The following THAP12 variants were observed in gnomAD, a reference collection of about 807,000 sequenced individuals.
THAP12 encodes the protein THAP domain containing 12.
THAP12 carries 20 observed loss-of-function variants against 63.0 expected under a neutral mutation model. That is an observed-to-expected ratio of 0.32 (90% CI 0.22 to 0.46). The LOEUF (loss-of-function observed/expected upper bound fraction) is 0.46, where lower values mean the gene tolerates loss of function less well. Among genes scored for constraint, THAP12 ranks in the 20% least tolerant of loss-of-function variants. The probability of loss-of-function intolerance (pLI) is 1.00; values close to 1 mark genes in which losing one functional copy is unlikely to be tolerated. For synonymous variants in THAP12, 264 were observed against 328.4 expected (o/e 0.80, Z 2.12); for missense variants, 568 against 908.2 (o/e 0.63, Z 4.81).
chr11:76,367,130 G>A (rs1182239858), intron 1 of THAP12, among the ~76,000 whole-genome samples: 1 of 151,418 alleles, frequency 6.6e-6, no homozygotes, highest in African/African-American at 2.4e-5. Context: ...AGGTTGGAGT[G>A]CAATGCCATG....
chr11:76,366,680 C>CG (rs1311739126), intron 1 of THAP12, among the ~76,000 whole-genome samples: 1 of 146,110 alleles, frequency 6.8e-6, no homozygotes, highest in Non-Finnish European at 1.5e-5. Flanking sequence ...GACTCCGTCT[C>CG]GGAAAAAAAA....
At chr11:76,358,721 T>C (rs1365683129) in intron 3 of THAP12, 1 of 151,952 alleles carries the variant, frequency 6.6e-6, no homozygotes, top group East Asian at 1.9e-4. Flanking sequence ...GGTAAGAGGA[T>C]TGCTTCAGCC....
chr11:76,365,006 TGTGGAG>T (rs1946621337), intron 2 of THAP12, among the ~76,000 whole-genome samples: 1 of 152,058 alleles, frequency 6.6e-6, no homozygotes, highest in Non-Finnish European at 1.5e-5. Flanking sequence ...CTCAGCCGGG[TGTGGAG>T]GCTCATACAT....
chr11:76,354,821 C>G (rs1291442016), intron 4 of THAP12, among the ~76,000 whole-genome samples: 1 of 152,160 alleles, frequency 6.6e-6, no homozygotes, highest in Non-Finnish European at 1.5e-5. Flanking sequence ...ATTTTCTAAC[C>G]ATAATGGGTT....
chr11:76,352,126 C>T lies in THAP12; in HGVS notation c.1024G>A (p.Val342Ile), dbSNP rs752480086. 28 of 1,611,788 alleles carry T rather than the reference C, an allele frequency of 1.7e-5. No homozygotes were observed. The highest frequency in any genetic ancestry group is 2.3e-5 in the Non-Finnish European group (27 of 1,179,810). ...VSSGFSSKMK[V>I]VASRLLEKYP... ...TTCTCTAAAAGTCTAGAAGCAACAACTTTCATTTTGGAAGAAAATCCACTA... is the reference window on the plus strand; with the variant it reads ...TTCTCTAAAAGTCTAGAAGCAACAATTTTCATTTTGGAAGAAAATCCACTA... Residue 342 changes from valine to isoleucine, a missense_variant, in exon 5 of 5, where the codon GTT (valine) becomes ATT (isoleucine). Physicochemically the swap from Val to Ile is conservative, Grantham distance 29. Coordinates refer to ENST00000260045, the MANE Select transcript of THAP12 (RefSeq NM_004705.4).
At chr11:76,359,522 A>C (rs1444358183) in intron 3 of THAP12, 1 of 152,222 alleles carries the variant, frequency 6.6e-6, no homozygotes, top group East Asian at 1.9e-4. Context: ...GGAGAACTTG[A>C]CAAAAGGACT....
Position 76,380,793 on chromosome 11 carries a change from G to A in THAP12, c.44C>T (p.Thr15Met). Residue 15 changes from threonine (T) to methionine (M), a missense_variant, in exon 1 of 5, where the codon ACG becomes ATG. Thr to Met is a moderately conservative substitution (Grantham distance 81). Coordinates refer to ENST00000260045, the MANE Select transcript of THAP12 (RefSeq NM_004705.4). ...CAAPNCTRKSTQSDLAFFRFP... is the reference protein window; with the variant it reads ...CAAPNCTRKSMQSDLAFFRFP... ...CCTGAAGAAGGCCAAGTCGGACTGC[G>A]TGCTCTTCCGCGTGCAGTTGGGGGC... is the stretch of plus-strand genomic sequence containing the variant. 6.8e-7 allele frequency: 1 copy of A among 1,465,164 alleles called. No individual in the cohort carries two copies. The highest frequency in any genetic ancestry group is 2.4e-5 in the Admixed American group (1 of 42,372). 90.8% of individuals were successfully genotyped at this position (1,465,164 alleles called of 1,614,324 possible).
intron 4 of THAP12, 112 bp downstream of exon 4, chr11:76,355,506 T>C: frequency 1.0e-6 from 1 of 973,208 alleles, no homozygotes. Context: ...AGCACACTCC[T>C]ACATTCATTC....
At chr11:76,372,240 C>T (rs1438092018) in intron 1 of THAP12, among the ~76,000 whole-genome samples, 4 of 151,872 alleles carry the variant, frequency 2.6e-5, no homozygotes, top group Non-Finnish European at 5.9e-5. Context: ...AGGCGTGAGC[C>T]ACTGCGTGCA....
At chr11:76,376,615 G>GTTTTTTTTTTTTTTTTT (rs375196452) in intron 1 of THAP12, among the ~76,000 whole-genome samples, 1 of 127,770 alleles carries the variant, frequency 7.8e-6, no homozygotes, top group Non-Finnish European at 1.6e-5. Flanking sequence ...TTGTGTCTAT[G>GTTTTTTTTTTTTTTTTT]TTTTTTTTGT....
chr11:76,358,259 G>T (rs1432435113), intron 3 of THAP12: 2 of 150,794 alleles, frequency 1.3e-5, no homozygotes, highest in African/African-American at 2.4e-5. Context: ...ATTATAACTG[G>T]GTAATAAGAG....
At chr11:76,361,809 G>A (rs1400985676) in intron 2 of THAP12, among the ~76,000 whole-genome samples, 1 of 152,162 alleles carries the variant, frequency 6.6e-6, no homozygotes, top group Non-Finnish European at 1.5e-5. Context: ...GTTATCTTAT[G>A]TTTTTAAAAA....
intron 1 of THAP12, among the ~76,000 whole-genome samples, chr11:76,369,515 T>C (rs1946655620): frequency 6.6e-6 from 1 of 152,246 alleles, no homozygotes; most frequent in Admixed American, 6.5e-5. Flanking sequence ...GCCTGTTTGT[T>C]AAGGACCTTG....
At chr11:76,365,439 T>G (rs1034257365) in intron 2 of THAP12, among the ~76,000 whole-genome samples, 6 of 152,052 alleles carry the variant, frequency 3.9e-5, no homozygotes, top group Admixed American at 6.6e-5. Context: ...GAGTGGAGTG[T>G]AGTGGCATGA....
At position 76,360,986 on chromosome 11, in the gene THAP12, A is replaced by G. The variant is rs771824027; in HGVS notation, c.288T>C (p.His96=). 2 of 1,608,234 alleles carry G rather than the reference A, an allele frequency of 1.2e-6. No homozygotes were observed. Among genetic ancestry groups the G allele is most frequent in the Non-Finnish European group, 1.7e-6 (2 of 1,176,626 alleles). ...CTTTTATTCGTTTTCTGTGTCTACT[A>G]TGTGGGTTGTTCAAATGACTGGTAA... ...FDLTSHLNNP[H]SRHRKRIKEL... is the part of the protein sequence containing the mutation. The change falls in exon 3 of 5, where the codon CAT becomes CAC. Residue 96 remains histidine (H), a synonymous_variant. Transcript: ENST00000260045.
At chr11:76,368,055 A>G (rs1383092409) in intron 1 of THAP12, among the ~76,000 whole-genome samples, 1 of 152,230 alleles carries the variant, frequency 6.6e-6, no homozygotes, top group Non-Finnish European at 1.5e-5. Context: ...ATAATTTGCC[A>G]TACTGCTACA....
rs1590798569 is a variant in THAP12 at position 76,352,443 on chromosome 11, C to T, written c.707G>A (p.Arg236Lys). 2 of 1,611,926 alleles carry T rather than the reference C, an allele frequency of 1.2e-6. No individual in the cohort carries two copies. The highest frequency in any genetic ancestry group is 1.1e-5 in the South Asian group (1 of 90,968). The change falls in exon 5 of 5, where the codon AGG becomes AAG. Residue 236 changes from arginine (R) to lysine (K), a missense_variant. Arg to Lys is a conservative substitution (Grantham distance 26, BLOSUM62 2). Coordinates refer to ENST00000260045, the MANE Select transcript of THAP12 (RefSeq NM_004705.4). ...NTLFCSKTQQ[R>K]QMLEICESCI... ...GCTCTCACAGATCTCTAGCATCTGC[C>T]TCTGCTGTGTTTTTGAACAAAACAA...
In THAP12 at chr11:76,350,814, G is replaced by T. The variant is rs1198857538; in HGVS notation, c.*50C>A. The T allele has an allele frequency of 4.1e-6, 6 of 1,478,162 alleles. No homozygotes were observed. The Admixed American group carries it at 1.6e-4, about 39-fold the overall frequency. The allele number at this position is 1,478,162 out of a possible 1,614,324, so 91.6% of individuals were successfully genotyped here. A position where few individuals can be genotyped will look rare whatever the true frequency, so the allele number is the denominator to read the frequency against. On this transcript the variant is annotated 3_prime_UTR_variant, in exon 5 of 5. Transcript: ENST00000260045. ...TTAAGTGGTCTACATACACCTTACG[G>T]CTTTTTCTTCCAAATATCAAATATA...
chr11:76,369,213 T>C (rs990157630), intron 1 of THAP12, among the ~76,000 whole-genome samples: 1 of 152,116 alleles, frequency 6.6e-6, no homozygotes, highest in African/African-American at 2.4e-5. Context: ...CCCACAAGAA[T>C]GACTACAATG....
Sources: gnomAD v4.1 joint callset for allele counts (sites outside exome capture counted in the v4.1 genomes callset) on GRCh38, gnomAD v4.1.1 for gene constraint, MANE v1.5 for transcripts, NCBI Gene and HGNC (gene_info 2026-07-23, HGNC 2026-07-21) for gene names.